BCL11B: variants seen among roughly 807,000 people sequenced by gnomAD.
The protein encoded by BCL11B is B-cell lymphoma/leukemia 11B.
BCL11B carries 8 observed loss-of-function variants against 49.9 expected under a neutral mutation model. The ratio of observed to expected loss-of-function variants is 0.16; its 90% confidence interval spans 0.09 to 0.29. The LOEUF is 0.29. Ranked by LOEUF, BCL11B falls within the 10% of genes least tolerant of loss-of-function variation. The pLI, the probability that BCL11B is intolerant of heterozygous loss-of-function variation, is 1.00. For synonymous variants in BCL11B, 739 were observed against 637.4 expected (o/e 1.16, Z -2.40); for missense variants, 1,006 against 1,351.0 (o/e 0.74, Z 4.00).
At position 99,231,733 on chromosome 14, in the gene BCL11B, G is replaced by A. The variant is rs1888343284; in HGVS notation, c.428-176C>T. ...AATCGGGACACAGGCGAGGGAATGG[G>A]CTCGGGGAGGTGGGCAGGGGGCACT... On this transcript the variant is annotated intron_variant, in intron 2 of 3. Transcript: ENST00000357195. This position sits in a 1 kb window ranked among gnomAD's most constrained non-coding sequence, Gnocchi z 8.1. Among the ~76,000 whole-genome samples, 1 of 151,746 alleles carries A rather than the reference G, an allele frequency of 6.6e-6. No individual in the cohort carries two copies.
At chr14:99,201,237 T>G (rs1887373262) in intron 3 of BCL11B, among the ~76,000 whole-genome samples, 1 of 152,166 alleles carries the variant, frequency 6.6e-6, no homozygotes, top group Non-Finnish European at 1.5e-5. Flanking sequence ...AAAGAATGCC[T>G]GAAAAGCAAA....
At position 99,175,842 on chromosome 14, in the gene BCL11B, C is replaced by T; in HGVS notation, c.994G>A (p.Ala332Thr). ...TGGGCGACGAGCCCCATCTCCTCGG[C>T]ACTGAGGCGGTGCGGGTCCAGGTGG... ...RHHLDPHRLSAEEMGLVAQHP... is the reference protein window; with the variant it reads ...RHHLDPHRLSTEEMGLVAQHP... Residue 332 changes from alanine (A) to threonine (T), a missense_variant, in exon 4 of 4, where the codon GCC becomes ACC. Coordinates refer to ENST00000357195, the MANE Select transcript of BCL11B (RefSeq NM_138576.4). The T allele has an allele frequency of 6.8e-7, 1 of 1,480,198 alleles. No homozygotes were observed. The highest frequency in any genetic ancestry group is 2.5e-5 in the East Asian group (1 of 39,230). The allele number at this position is 1,480,198 out of a possible 1,614,324, so 91.7% of individuals were successfully genotyped here. A position where few individuals can be genotyped will look rare whatever the true frequency, so the allele number is the denominator to read the frequency against.
At chr14:99,216,985 C>T (rs1044293564) in intron 3 of BCL11B, among the ~76,000 whole-genome samples, 22 of 152,062 alleles carry the variant, frequency 1.4e-4, no homozygotes, top group Admixed American at 7.9e-4. Flanking sequence ...CACACAAATA[C>T]GCGTGTATGT....
intron 1 of BCL11B, among the ~76,000 whole-genome samples, chr14:99,263,429 T>A (rs1176373630): frequency 6.6e-6 from 1 of 152,150 alleles, no homozygotes; most frequent in African/African-American, 2.4e-5. Flanking sequence ...AGGGTCCCGC[T>A]GACTCCGCCA....
chr14:99,199,683 T>TGTGTGTGCGCGC lies in BCL11B; in HGVS notation c.641-23489_641-23488insGCGCGCACACAC, dbSNP rs759599743. ...GTGTGTGTGTGTGTGTGTGTGTGTG[T>TGTGTGTGCGCGC]GCGCGCGCGCGCGCACGTGCACGTG... On this transcript the variant is annotated intron_variant, in intron 3 of 3. Coordinates refer to ENST00000357195, the MANE Select transcript of BCL11B (RefSeq NM_138576.4). 3.8e-4 allele frequency among the ~76,000 whole-genome samples: 28 copies of TGTGTGTGCGCGC among 73,740 alleles called. No homozygotes were observed. In the East Asian group the frequency reaches 5.9e-3, roughly 16 times the overall value. 48.4% of individuals were successfully genotyped at this position (73,740 alleles called of 152,430 possible).
intron 3 of BCL11B, among the ~76,000 whole-genome samples, chr14:99,176,920 CTTTT>C (rs35227654): frequency 6.8e-6 from 1 of 147,342 alleles, no homozygotes; most frequent in Admixed American, 6.8e-5. Flanking sequence ...ATCCTGCAAA[CTTTT>C]TTTTTTTTAA....
At chr14:99,268,769 C>A (rs1265068663) in intron 1 of BCL11B, among the ~76,000 whole-genome samples, 1 of 152,198 alleles carries the variant, frequency 6.6e-6, no homozygotes, top group Non-Finnish European at 1.5e-5. Context: ...GTGTGCCCCT[C>A]AAAGGCAGGC....
In BCL11B at chr14:99,241,238, C is replaced by A. The variant is rs941570341; in HGVS notation, c.428-9681G>T. ...TTTGGCTGTAATTACCCAGGAAGTT[C>A]TCTGCCCAGCACCCCATCATGAAAT... On this transcript the variant is annotated intron_variant, in intron 2 of 3. Coordinates refer to ENST00000357195, the MANE Select transcript of BCL11B (RefSeq NM_138576.4). The surrounding 1 kb of genome is among the most constrained non-coding windows in gnomAD (Gnocchi z 4.4). 6.6e-6 allele frequency among the ~76,000 whole-genome samples: 1 copy of A among 151,980 alleles called. No homozygotes were observed. Among genetic ancestry groups the A allele is most frequent in the Non-Finnish European group, 1.5e-5 (1 of 67,996 alleles).
chr14:99,261,604 C>T (rs1456139013), intron 1 of BCL11B, among the ~76,000 whole-genome samples: 1 of 152,180 alleles, frequency 6.6e-6, no homozygotes, highest in Non-Finnish European at 1.5e-5. Context: ...GTCCAGCAAA[C>T]TCGGGCCTTA....
At chr14:99,260,746 C>G (rs1340370527) in intron 1 of BCL11B, among the ~76,000 whole-genome samples, 1 of 151,932 alleles carries the variant, frequency 6.6e-6, no homozygotes, top group Non-Finnish European at 1.5e-5. Context: ...CCTGCGAGCC[C>G]CCGTAATTGA....
intron 3 of BCL11B, among the ~76,000 whole-genome samples, chr14:99,198,598 GT>G (rs1887247637): frequency 6.6e-6 from 1 of 152,114 alleles, no homozygotes; most frequent in African/African-American, 2.4e-5. Flanking sequence ...TCTTCAGGCC[GT>G]GGTCCTGGAA....
At chr14:99,222,605 A>C (rs1160265180) in intron 3 of BCL11B, among the ~76,000 whole-genome samples, 1 of 152,226 alleles carries the variant, frequency 6.6e-6, no homozygotes, top group Admixed American at 6.5e-5. Flanking sequence ...CTTCAAGGTC[A>C]AAACTGCCTT....
rs546785434 is a variant in BCL11B at position 99,231,424 on chromosome 14, G to A, written c.561C>T (p.Ser187=). 23 of 1,595,802 alleles carry A rather than the reference G, an allele frequency of 1.4e-5. No individual in the cohort carries two copies. Among genetic ancestry groups the A allele is most frequent in the South Asian group, 7.9e-5 (7 of 88,560 alleles). ...LPPCLPLPCC[S]ARPVSGDGTQ... is the part of the protein sequence containing the mutation. The stretch of plus-strand genomic sequence containing the variant: ...TCCCGTCACCCGAGACCGGGCGCGC[G>A]CTGCAGCACGGCAGGGGGAGGCAGG... The change falls in exon 3 of 4, where the codon AGC becomes AGT. Residue 187 remains serine, a synonymous_variant. Transcript: ENST00000357195. The surrounding 1 kb of genome is among the most constrained non-coding windows in gnomAD (Gnocchi z 8.1).
Position 99,228,805 on chromosome 14 carries a change from C to T in BCL11B, c.640+2540G>A, listed in dbSNP as rs1224773908. Among the ~76,000 whole-genome samples, 2 of 152,226 alleles carry T rather than the reference C, an allele frequency of 1.3e-5. No individual in the cohort carries two copies. The highest frequency in any genetic ancestry group is 2.4e-5 in the African/African-American group (1 of 41,458). On this transcript the variant is annotated intron_variant, in intron 3 of 3. Transcript: ENST00000357195. This position sits in a 1 kb window ranked among gnomAD's most constrained non-coding sequence, Gnocchi z 4.8. ...TCCCCACTCCCTGTCCTCCCCACCACCAGACTGCAAGCTGCACGAGGGCAG... is the reference window on the plus strand; with the variant it reads ...TCCCCACTCCCTGTCCTCCCCACCATCAGACTGCAAGCTGCACGAGGGCAG...
rs144498557 is a variant in BCL11B, at chr14:99,173,805, TA to T, written c.*345del. On this transcript the variant is annotated 3_prime_UTR_variant, in exon 4 of 4. Transcript: ENST00000357195. ...GTCATTGCTCAGGCTACTACCGGGT[TA>T]AAAAAAAAACAAAGAAGGGATGGAT... 2.7e-3 allele frequency: 824 copies of T among 301,338 alleles called. No homozygotes were observed. The highest frequency in any genetic ancestry group is 4.8e-3 in the East Asian group (84 of 17,458). The allele number at this position is 301,338 out of a possible 1,614,324, so 18.7% of individuals were successfully genotyped here.
Position 99,272,067 on chromosome 14 carries a change from G to T in BCL11B, c.-849C>A, listed in dbSNP as rs1035322341. The stretch of plus-strand genomic sequence containing the variant: ...GCGCTCCCCTGGCGCCGCGGGCCCG[G>T]GGGGAGCGGGGCGGAGGGGCGGCTC... On this transcript the variant is annotated 5_prime_UTR_variant, in exon 1 of 4. Coordinates refer to ENST00000357195, the MANE Select transcript of BCL11B (RefSeq NM_138576.4). The surrounding 1 kb of genome is among the most constrained non-coding windows in gnomAD (Gnocchi z 6.0). Among the ~76,000 whole-genome samples the T allele has an allele frequency of 6.6e-6, 1 of 151,896 alleles. No homozygotes were observed. The highest frequency in any genetic ancestry group is 1.5e-5 in the Non-Finnish European group (1 of 67,920).
intron 2 of BCL11B, among the ~76,000 whole-genome samples, chr14:99,234,399 GC>G (rs1888429303): frequency 6.6e-6 from 1 of 152,138 alleles, no homozygotes; most frequent in African/African-American, 2.4e-5. Flanking sequence ...AGGGGTATTT[GC>G]CTTTAAAAGT....
rs918841188 is a variant in BCL11B at position 99,171,809 on chromosome 14, A to G, written c.*2342T>C. 16 of 209,514 alleles carry G rather than the reference A, an allele frequency of 7.6e-5. No homozygotes were observed. The highest frequency in any genetic ancestry group is 1.5e-3 in the Middle Eastern group (1 of 662). 13.0% of individuals were successfully genotyped at this position (209,514 alleles called of 1,614,324 possible). A position where few individuals can be genotyped will look rare whatever the true frequency, so the allele number is the denominator to read the frequency against. On this transcript the variant is annotated 3_prime_UTR_variant, in exon 4 of 4. Transcript: ENST00000357195. ...CAGTTACTGTAACAAGAACAAATTTATAGACCCACCATTTAAATTTTACTG... is the reference window on the plus strand; with the variant it reads ...CAGTTACTGTAACAAGAACAAATTTGTAGACCCACCATTTAAATTTTACTG...
rs748046545 is a variant in BCL11B, at chr14:99,194,271, A to C, written c.641-18076T>G. On this transcript the variant is annotated intron_variant, in intron 3 of 3. Transcript: ENST00000357195. The surrounding 1 kb of genome is among the most constrained non-coding windows in gnomAD (Gnocchi z 4.6). ...CCCCGGACTGTCCCCCAGCAGCAGA[A>C]GTCACAGTCAGCAAACCGCCAAGGC... is the stretch of plus-strand genomic sequence containing the variant. Among the ~76,000 whole-genome samples the C allele has an allele frequency of 1.7e-4, 26 of 152,118 alleles. No individual in the cohort carries two copies. Among genetic ancestry groups the C allele is most frequent in the Non-Finnish European group, 3.5e-4 (24 of 68,022 alleles).
Sources: allele counts gnomAD v4.1 joint callset (sites outside exome capture counted in the v4.1 genomes callset), GRCh38; gene constraint gnomAD v4.1.1; non-coding constraint Gnocchi (gnomAD v3.1); transcripts MANE v1.5; gene names NCBI Gene and HGNC (gene_info 2026-07-23, HGNC 2026-07-21).